Variants in BTF3L4 observed in about 807,000 individuals in gnomAD.
BTF3L4 encodes transcription factor BTF3 homolog 4.
Under a neutral mutation model 16.8 loss-of-function variants are expected in BTF3L4, and 6 were observed. The observed-to-expected ratio is 0.36, with a 90% CI of 0.20 to 0.71. The LOEUF (loss-of-function observed/expected upper bound fraction) is 0.71. Ranked by LOEUF, BTF3L4 falls within the 30% of genes least tolerant of loss-of-function variation. The pLI is 0.58. For synonymous variants in BTF3L4, 39 were observed against 59.8 expected (o/e 0.65, Z 1.60); for missense variants, 92 against 186.9 (o/e 0.49, Z 2.96).
At chr1:52,057,016 G>A (rs990655796) in intron 1 of BTF3L4, among the ~76,000 whole-genome samples, 1 of 152,208 alleles carries the variant, frequency 6.6e-6, no homozygotes, top group African/African-American at 2.4e-5. Context: ...ATAGTTACCA[G>A]TAACTGTGTA....
In BTF3L4 at chr1:52,071,931, CTGTGTGTGTGTG is replaced by C. The variant is rs59491944; in HGVS notation, c.168+7025_168+7036del. Among the ~76,000 whole-genome samples, 685 of 127,962 alleles carry C rather than the reference CTGTGTGTGTGTG, an allele frequency of 5.4e-3. 8 individuals are homozygous for C. The highest frequency in any genetic ancestry group is 0.017 in the African/African-American group (565 of 33,590). The allele number at this position is 127,962 out of a possible 152,430, so 83.9% of individuals were successfully genotyped here. Reference sequence around the variant, plus strand: ...TTGGCTTTTTGTTTTGTTTTTTACTCTGTGTGTGTGTGTGTGTGTGTGTGTGTGTGTGTGTGT... The same window carrying C: ...TTGGCTTTTTGTTTTGTTTTTTACTCTGTGTGTGTGTGTGTGTGTGTGTGT... On this transcript the variant is annotated intron_variant, in intron 3 of 5. Transcript: ENST00000313334.
rs1488057777 is a variant in BTF3L4, at chr1:52,087,090, A to G, written c.*332A>G. The stretch of plus-strand genomic sequence containing the variant: ...GTGGGTATGTGTGTATACAGTGGAG[A>G]GCAAATTGGAAAACAGTTCTATTTA... On this transcript the variant is annotated 3_prime_UTR_variant, in exon 6 of 6. Coordinates refer to ENST00000313334, the MANE Select transcript of BTF3L4 (RefSeq NM_152265.5). The G allele has an allele frequency of 5.1e-6, 1 of 195,674 alleles. No individual in the cohort carries two copies. The highest frequency in any genetic ancestry group is 1.0e-5 in the Non-Finnish European group (1 of 96,858). The allele number at this position is 195,674 out of a possible 1,614,324, so 12.1% of individuals were successfully genotyped here. A position where few individuals can be genotyped will look rare whatever the true frequency, so the allele number is the denominator to read the frequency against.
intron 3 of BTF3L4, among the ~76,000 whole-genome samples, chr1:52,070,569 A>C (rs1317748278): frequency 2.0e-5 from 3 of 150,430 alleles, no homozygotes; most frequent in African/African-American, 4.9e-5. Context: ...AAAAAAAAAA[A>C]AACAAAACTA....
intron 3 of BTF3L4, among the ~76,000 whole-genome samples, chr1:52,073,305 A>T (rs12402556): frequency 0.06 from 9,105 of 152,184 alleles, 292 homozygotes; most frequent in African/African-American, 0.083. Flanking sequence ...ATGTATCTGT[A>T]TATCTATATA....
intron 3 of BTF3L4, among the ~76,000 whole-genome samples, chr1:52,075,590 T>A (rs1174294230): frequency 6.8e-6 from 1 of 147,170 alleles, no homozygotes; most frequent in African/African-American, 2.5e-5. Flanking sequence ...ATATTATATA[T>A]AAATTATAGT....
At chr1:52,077,021 A>G (rs1237821883) in intron 3 of BTF3L4, among the ~76,000 whole-genome samples, 1 of 152,168 alleles carries the variant, frequency 6.6e-6, no homozygotes, top group Non-Finnish European at 1.5e-5. Flanking sequence ...ATAAAAAATT[A>G]GCCAGGCATG....
chr1:52,079,402 G>GA (rs1643894398), intron 3 of BTF3L4, among the ~76,000 whole-genome samples: 7 of 141,036 alleles, frequency 5.0e-5, no homozygotes, highest in Non-Finnish European at 1.1e-4. Context: ...AAAAAAGAAA[G>GA]AAAATATTCT....
chr1:52,073,493 T>C (rs945038086), intron 3 of BTF3L4, among the ~76,000 whole-genome samples: 20 of 139,346 alleles, frequency 1.4e-4, no homozygotes, highest in African/African-American at 3.7e-4. Context: ...ATATGCTACA[T>C]ACACACACAC....
chr1:52,074,092 G>A (rs1307932728), intron 3 of BTF3L4, among the ~76,000 whole-genome samples: 1 of 152,138 alleles, frequency 6.6e-6, no homozygotes, highest in Non-Finnish European at 1.5e-5. Flanking sequence ...TTGAGCCCAG[G>A]AGTTCTAGGC....
intron 3 of BTF3L4, among the ~76,000 whole-genome samples, chr1:52,068,434 A>G (rs921568863): frequency 6.6e-6 from 1 of 152,202 alleles, no homozygotes; most frequent in East Asian, 1.9e-4. Context: ...TATGTATTAT[A>G]TCGTACCATT....
chr1:52,081,481 A>G (rs938816490), intron 3 of BTF3L4, among the ~76,000 whole-genome samples: 1 of 152,138 alleles, frequency 6.6e-6, no homozygotes, highest in Non-Finnish European at 1.5e-5. Context: ...TAGTCCTACC[A>G]TATCTTTTGT....
At chr1:52,060,140 T>C (rs1056358092) in intron 2 of BTF3L4, among the ~76,000 whole-genome samples, 3 of 152,218 alleles carry the variant, frequency 2.0e-5, no homozygotes, top group African/African-American at 7.2e-5. Context: ...CTGCTAGTTA[T>C]ATGATGTGAA....
chr1:52,064,952 G>T lies in BTF3L4; in HGVS notation c.168+14G>T. On this transcript the variant is annotated intron_variant, in intron 3 of 5. Coordinates refer to ENST00000313334, the MANE Select transcript of BTF3L4 (RefSeq NM_152265.5). ...GGTATTGAAGAGGTATGATCACTTT[G>T]CAAGTTGTTAAATTGTGTGGGTACA... 1 of 1,524,286 alleles carries T rather than the reference G, an allele frequency of 6.6e-7. No individual in the cohort carries two copies. The highest frequency in any genetic ancestry group is 2.3e-5 in the East Asian group (1 of 43,896). The allele number at this position is 1,524,286 out of a possible 1,614,324, so 94.4% of individuals were successfully genotyped here.
intron 3 of BTF3L4, among the ~76,000 whole-genome samples, chr1:52,072,369 C>A (rs1572026333): frequency 6.6e-6 from 1 of 152,164 alleles, no homozygotes; most frequent in East Asian, 1.9e-4. Context: ...TTTAACTATA[C>A]AATTCATTGG....
At chr1:52,065,044 ACT>A (rs1189300989) in intron 3 of BTF3L4, 106 bp downstream of exon 3, 3 of 543,206 alleles carry the variant, frequency 5.5e-6, no homozygotes, top group African/African-American at 3.9e-5. Flanking sequence ...TGATATTGTC[ACT>A]CTGATGTCTT....
intron 3 of BTF3L4, among the ~76,000 whole-genome samples, chr1:52,073,814 A>G (rs915461039): frequency 2.0e-5 from 3 of 150,984 alleles, no homozygotes; most frequent in African/African-American, 7.3e-5. Flanking sequence ...CTTGGCCGAG[A>G]TGGTGAAACC....
chr1:52,082,068 T>A (rs1643928708), intron 3 of BTF3L4, among the ~76,000 whole-genome samples: 1 of 152,186 alleles, frequency 6.6e-6, no homozygotes, highest in Non-Finnish European at 1.5e-5. Context: ...CTAACCTTTT[T>A]ATATAGTAAG....
chr1:52,076,515 C>CGCAGTGAGCCGGAGGTT (rs1232005064), intron 3 of BTF3L4, among the ~76,000 whole-genome samples: 1 of 148,076 alleles, frequency 6.8e-6, no homozygotes, highest in Non-Finnish European at 1.5e-5. Flanking sequence ...AGGCGGAGGT[C>CGCAGTGAGCCGGAGGTT]GCAGTGAGCC....
At chr1:52,079,768 T>C (rs1357852947) in intron 3 of BTF3L4, among the ~76,000 whole-genome samples, 1 of 152,094 alleles carries the variant, frequency 6.6e-6, no homozygotes, top group Non-Finnish European at 1.5e-5. Context: ...TCTATATACC[T>C]GTGTTGTTTT....
Sources: allele counts gnomAD v4.1 joint callset (sites outside exome capture counted in the v4.1 genomes callset), GRCh38; gene constraint gnomAD v4.1.1; transcripts MANE v1.5; gene names NCBI Gene and HGNC (gene_info 2026-07-23, HGNC 2026-07-21).